The following SMG9 variants were observed in gnomAD, a reference collection of about 807,000 sequenced individuals.
The protein encoded by SMG9 is nonsense-mediated mRNA decay factor SMG9.
Under a neutral mutation model 64.0 loss-of-function variants are expected in SMG9, and 55 were observed. The observed-to-expected ratio is 0.86, with a 90% CI of 0.69 to 1.08. The LOEUF is 1.08. Ranked by LOEUF, SMG9 falls within the 50% of genes least tolerant of loss-of-function variation. SMG9 has a pLI of 0.00. For missense variants in SMG9, 554 were observed against 681.3 expected, an observed-to-expected ratio of 0.81 and a Z score of 2.08; for synonymous variants, 244 against 254.8, an observed-to-expected ratio of 0.96 and a Z score of 0.41.
chr19:43,731,736 C>T (rs1968492165), intron 13 of SMG9, 62 bp from the exon 14 acceptor site: 8 of 1,605,198 alleles, frequency 5.0e-6, no homozygotes, highest in South Asian at 2.2e-5. Flanking sequence ...AGCACCAACC[C>T]GGGACAGGTG....
chr19:43,742,290 A>T (rs572445261), intron 6 of SMG9, among the ~76,000 whole-genome samples: 2 of 152,324 alleles, frequency 1.3e-5, no homozygotes, highest in African/African-American at 4.8e-5. Flanking sequence ...TTAAAAAATT[A>T]GTTGGGCATG....
intron 5 of SMG9, among the ~76,000 whole-genome samples, chr19:43,745,553 T>C (rs182527952): frequency 1.3e-4 from 20 of 152,314 alleles, no homozygotes; most frequent in African/African-American, 4.1e-4. Context: ...TAAAATTTTG[T>C]TTTGTTTTGT....
intron 1 of SMG9, among the ~76,000 whole-genome samples, chr19:43,753,964 A>G (rs1313606007): frequency 6.6e-6 from 1 of 151,528 alleles, no homozygotes; most frequent in Non-Finnish European, 1.5e-5. Flanking sequence ...GGGACTTCCA[A>G]TGCTGTTTCC....
chr19:43,751,008 A>G (rs536649300), intron 1 of SMG9, among the ~76,000 whole-genome samples: 53 of 152,116 alleles, frequency 3.5e-4, no homozygotes, highest in African/African-American at 1.0e-3. Flanking sequence ...TATTTTTAGT[A>G]GAGATGGGGT....
At chr19:43,733,551 G>C in intron 11 of SMG9, 75 bp downstream of exon 11, 1 of 1,606,382 alleles carries the variant, frequency 6.2e-7, no homozygotes, top group Admixed American at 1.7e-5. Flanking sequence ...TAGTCTGGGG[G>C]TAGAGACTGA....
At chr19:43,740,072 T>G (rs1263911101) in intron 7 of SMG9, 35 bp downstream of exon 7, 9 of 1,365,602 alleles carry the variant, frequency 6.6e-6, no homozygotes, top group Non-Finnish European at 9.4e-6. Context: ...ATGCAGGATG[T>G]GGCAGGGTGG....
chr19:43,733,209 C>T, intron 12 of SMG9, 115 bp downstream of exon 12: 2 of 1,458,994 alleles, frequency 1.4e-6, no homozygotes, highest in East Asian at 2.3e-5. Flanking sequence ...AGGTAGGCTC[C>T]ACACTGCTCC....
chr19:43,733,677 T>A lies in SMG9; in HGVS notation c.1159A>T (p.Met387Leu), dbSNP rs1424511359. The change falls in exon 11 of 14, where the codon ATG (methionine) becomes TTG (leucine). Residue 387 changes from methionine to leucine, a missense_variant. Transcript: ENST00000270066. ...ATGAGCTGGTCAATCATCAGGTGCA[T>A]CTGCCGCAGCTTCCGAGGACAGAAG... ...EDFCPRKLRQ[M>L]HLMIDQLMAH... is the part of the protein sequence containing the mutation. The A allele has an allele frequency of 6.2e-7, 1 of 1,614,128 alleles. No homozygotes were observed. Among genetic ancestry groups the A allele is most frequent in the Non-Finnish European group, 8.5e-7 (1 of 1,180,020 alleles).
intron 1 of SMG9, chr19:43,754,231 GA>G (rs1450303958): frequency 6.6e-6 from 1 of 152,098 alleles, no homozygotes; most frequent in Admixed American, 6.5e-5. Context: ...CCCCAGCCCA[GA>G]ACTGTAGTCG....
intron 2 of SMG9, chr19:43,748,815 C>T (rs369375403): frequency 1.9e-6 from 1 of 520,132 alleles, no homozygotes; most frequent in South Asian, 1.4e-5. Context: ...CTTACTTAAA[C>T]CCTGCTCACT....
At chr19:43,736,341 T>C (rs1294611250) in intron 9 of SMG9, among the ~76,000 whole-genome samples, 1 of 152,192 alleles carries the variant, frequency 6.6e-6, no homozygotes, top group Admixed American at 6.5e-5. Flanking sequence ...TGCTTCCTAA[T>C]TCCATTTCTC....
At chr19:43,744,372 CTTATT>C (rs1260201777) in intron 6 of SMG9, among the ~76,000 whole-genome samples, 2 of 152,200 alleles carry the variant, frequency 1.3e-5, no homozygotes, top group Non-Finnish European at 2.9e-5. Flanking sequence ...CCTTCTTGAT[CTTATT>C]TTATTCTCCA....
chr19:43,743,851 C>T (rs1968915697), intron 6 of SMG9, among the ~76,000 whole-genome samples: 1 of 152,206 alleles, frequency 6.6e-6, no homozygotes, highest in African/African-American at 2.4e-5. Flanking sequence ...TAATGGACTC[C>T]TGACGCTCAT....
At chr19:43,740,285 T>G in intron 6 of SMG9, 67 bp from the exon 7 acceptor site, 2 of 1,133,922 alleles carry the variant, frequency 1.8e-6, no homozygotes, top group Non-Finnish European at 2.7e-6. Context: ...ATCCGAAGTG[T>G]GACCCTGTGA....
chr19:43,748,765 C>A (rs746343271), intron 2 of SMG9: 1 of 520,174 alleles, frequency 1.9e-6, no homozygotes, highest in East Asian at 5.4e-5. Flanking sequence ...GAGTCTTGAC[C>A]CCTAACTGTG....
intron 5 of SMG9, among the ~76,000 whole-genome samples, chr19:43,746,433 T>C (rs1006526066): frequency 2.6e-5 from 4 of 152,180 alleles, no homozygotes; most frequent in African/African-American, 9.7e-5. Flanking sequence ...TGCAGAAAGT[T>C]TTCCTTAATA....
chr19:43,747,577 G>A (rs2146400058), intron 4 of SMG9, 38 bp from the exon 5 acceptor site: 1 of 1,614,092 alleles, frequency 6.2e-7, no homozygotes, highest in Non-Finnish European at 8.5e-7. Context: ...AGGATGCAGT[G>A]AGGATCTGTG....
At position 43,733,712 on chromosome 19, in the gene SMG9, C is replaced by T. The variant is rs201870805; in HGVS notation, c.1124G>A (p.Arg375His). The change falls in exon 11 of 14, where the codon CGC (arginine) becomes CAC (histidine). Residue 375 changes from arginine (R) to histidine (H), a missense_variant. Physicochemically the swap from Arg to His is conservative, Grantham distance 29 (BLOSUM62 0). Coordinates refer to ENST00000270066, the MANE Select transcript of SMG9 (RefSeq NM_019108.4). ...CTTCCGAGGACAGAAGTCCTCTCGG[C>T]GAGCTTTGTTCTGCAAGAAGACTGA... The part of the protein sequence containing the change: ...PHLVFLQNKA[R>H]REDFCPRKLR... 148 of 1,614,098 alleles carry T rather than the reference C, an allele frequency of 9.2e-5. No homozygotes were observed. The highest frequency in any genetic ancestry group is 1.1e-4 in the Non-Finnish European group (124 of 1,180,018).
intron 1 of SMG9, among the ~76,000 whole-genome samples, chr19:43,752,827 G>A (rs549108688): frequency 1.3e-5 from 2 of 148,964 alleles, no homozygotes; most frequent in South Asian, 4.2e-4. Flanking sequence ...GATCACTTGA[G>A]CCTGGGAGGT....
Sources: allele counts gnomAD v4.1 joint callset (sites outside exome capture counted in the v4.1 genomes callset), GRCh38; gene constraint gnomAD v4.1.1; transcripts MANE v1.5; gene names NCBI Gene and HGNC (gene_info 2026-07-23, HGNC 2026-07-21).